CPNE4: variants seen among roughly 807,000 people sequenced by gnomAD.
CPNE4 encodes copine-4.
Under a neutral mutation model 67.9 loss-of-function variants are expected in CPNE4, and 25 were observed. That is an observed-to-expected ratio of 0.37 (90% CI 0.27 to 0.51). CPNE4 has a LOEUF of 0.51. CPNE4 is among the 20% of genes least tolerant of loss of function. CPNE4 has a pLI of 0.93. For synonymous variants in CPNE4, 242 were observed against 244.9 expected, an observed-to-expected ratio of 0.99 and a Z score of 0.11; for missense variants, 464 against 690.8, an observed-to-expected ratio of 0.67 and a Z score of 3.68.
At chr3:131,861,867 G>GA (rs1302540528) in intron 2 of CPNE4, among the ~76,000 whole-genome samples, 3 of 152,152 alleles carry the variant, frequency 2.0e-5, no homozygotes, top group Non-Finnish European at 4.4e-5. Flanking sequence ...GCTTTGGCCA[G>GA]AAAATGCACA....
At chr3:131,975,387 TCTC>T (rs2072621276) in intron 1 of CPNE4, among the ~76,000 whole-genome samples, 1 of 152,150 alleles carries the variant, frequency 6.6e-6, no homozygotes, top group Non-Finnish European at 1.5e-5. Flanking sequence ...GAGAATGACT[TCTC>T]CTAGCTGCCT....
At chr3:131,715,905 G>A (rs1243149735) in intron 3 of CPNE4, among the ~76,000 whole-genome samples, 1 of 152,108 alleles carries the variant, frequency 6.6e-6, no homozygotes, top group African/African-American at 2.4e-5. Context: ...TTTCTTTTGG[G>A]CAACAGAAAT....
At chr3:132,037,514 T>C, upstream of CPNE4, 1 of 1,479,362 alleles carries the variant, frequency 6.8e-7, no homozygotes, top group Non-Finnish European at 9.1e-7. Context: ...CACAGTCCCC[T>C]CAACAATTGT....
intron 14 of CPNE4, among the ~76,000 whole-genome samples, chr3:131,545,795 G>A (rs917658132): frequency 6.6e-6 from 1 of 152,166 alleles, no homozygotes; most frequent in Non-Finnish European, 1.5e-5. Flanking sequence ...TGGGTGCAGT[G>A]GCTCACGCCT....
At chr3:131,977,242 G>C (rs1275492284) in intron 1 of CPNE4, among the ~76,000 whole-genome samples, 1 of 152,196 alleles carries the variant, frequency 6.6e-6, no homozygotes, top group Non-Finnish European at 1.5e-5. Context: ...GGGTAAAGGA[G>C]ACACAGTGAG....
chr3:131,800,976 A>G (rs1170797016), intron 2 of CPNE4, among the ~76,000 whole-genome samples: 1 of 152,138 alleles, frequency 6.6e-6, no homozygotes, highest in Non-Finnish European at 1.5e-5. Context: ...AAAATTTTCA[A>G]ATGTCTCCCA....
Position 131,549,818 on chromosome 3 carries a change from A to G in CPNE4, c.1302+129T>C, listed in dbSNP as rs1936073379. The G allele has an allele frequency of 1.4e-5, 14 of 1,032,606 alleles. No individual in the cohort carries two copies. The South Asian group carries it at 2.0e-4, about 15-fold the overall frequency. The allele number at this position is 1,032,606 out of a possible 1,614,324, so 64.0% of individuals were successfully genotyped here. A position where few individuals can be genotyped will look rare whatever the true frequency, so the allele number is the denominator to read the frequency against. On this transcript the variant is annotated intron_variant, in intron 14 of 15. Transcript: ENST00000429747. ...TCAAGACTGAGGATAGGAGGAGGTT[A>G]AGTCATTTGTCCAAATTCACACAGG...
intron 2 of CPNE4, among the ~76,000 whole-genome samples, chr3:131,850,141 C>T (rs1016073352): frequency 1.7e-4 from 26 of 152,162 alleles, no homozygotes; most frequent in African/African-American, 5.8e-4. Flanking sequence ...AATTTTAAAA[C>T]ATTTTTAAAT....
intron 1 of CPNE4, among the ~76,000 whole-genome samples, chr3:131,963,161 C>T (rs13082776): frequency 0.36 from 54,284 of 151,554 alleles, 10,551 homozygotes; most frequent in Non-Finnish European, 0.44. Flanking sequence ...TGGGGGAGCC[C>T]CCCTCCCTCA....
chr3:131,862,419 C>T (rs1459676876), intron 2 of CPNE4, among the ~76,000 whole-genome samples: 2 of 152,140 alleles, frequency 1.3e-5, no homozygotes, highest in Non-Finnish European at 2.9e-5. Flanking sequence ...CTCAATACCT[C>T]ATCTTCTATT....
intron 1 of CPNE4, among the ~76,000 whole-genome samples, chr3:131,947,031 C>T (rs2071570786): frequency 6.6e-6 from 1 of 152,194 alleles, no homozygotes; most frequent in African/African-American, 2.4e-5. Flanking sequence ...GGGTTTACTA[C>T]TGAACTCTCA....
At chr3:132,001,568 A>AAAG (rs1356348104) in intron 1 of CPNE4, among the ~76,000 whole-genome samples, 1 of 144,660 alleles carries the variant, frequency 6.9e-6, no homozygotes, top group Non-Finnish European at 1.5e-5. Flanking sequence ...AGAAAGAAAG[A>AAAG]AAGAAAGAAA....
At chr3:131,600,183 C>G (rs536860930) in intron 7 of CPNE4, among the ~76,000 whole-genome samples, 1 of 152,202 alleles carries the variant, frequency 6.6e-6, no homozygotes, top group Admixed American at 6.5e-5. Context: ...GGAAATGGTG[C>G]TGGAATTTTT....
chr3:131,551,794 A>G (rs1294029580), intron 13 of CPNE4, among the ~76,000 whole-genome samples: 4 of 152,116 alleles, frequency 2.6e-5, no homozygotes, highest in African/African-American at 9.7e-5. Flanking sequence ...TGGCTCTGTT[A>G]GAAAACAGAA....
chr3:131,724,799 TAC>T (rs1407390655), intron 2 of CPNE4, among the ~76,000 whole-genome samples: 2 of 152,232 alleles, frequency 1.3e-5, no homozygotes, highest in Non-Finnish European at 1.5e-5. Context: ...CATTCCCGTG[TAC>T]AGAGTTTAGT....
intron 2 of CPNE4, among the ~76,000 whole-genome samples, chr3:131,760,339 T>C (rs1344441822): frequency 6.6e-6 from 1 of 152,152 alleles, no homozygotes; most frequent in Non-Finnish European, 1.5e-5. Flanking sequence ...TACTATTTGA[T>C]AGATGAAGAA....
intron 1 of CPNE4, among the ~76,000 whole-genome samples, chr3:131,954,320 A>T (rs2071870404): frequency 6.6e-6 from 1 of 152,202 alleles, no homozygotes; most frequent in Non-Finnish European, 1.5e-5. Flanking sequence ...GTTGAGAGAG[A>T]TCACCGGATT....
intron 2 of CPNE4, among the ~76,000 whole-genome samples, chr3:131,728,899 C>CAAAAA (rs34269107): frequency 4.4e-5 from 4 of 89,970 alleles, no homozygotes; most frequent in African/African-American, 1.4e-4. Context: ...AACAGAGCCT[C>CAAAAA]AAAAAAAAAA....
chr3:131,864,292 T>G (rs1392821083), intron 2 of CPNE4, among the ~76,000 whole-genome samples: 1 of 151,778 alleles, frequency 6.6e-6, no homozygotes, highest in Non-Finnish European at 1.5e-5. Context: ...TAAATTACCT[T>G]AGGCAGTATG....
Sources: allele counts gnomAD v4.1 joint callset (sites outside exome capture counted in the v4.1 genomes callset), GRCh38; gene constraint gnomAD v4.1.1; transcripts MANE v1.5; gene names NCBI Gene and HGNC (gene_info 2026-07-23, HGNC 2026-07-21).